The following SGCZ variants were observed in gnomAD, a reference collection of about 807,000 sequenced individuals.
SGCZ encodes sarcoglycan zeta.
Under a neutral mutation model 41.3 loss-of-function variants are expected in SGCZ, and 40 were observed. That is an observed-to-expected ratio of 0.97 (90% CI 0.75 to 1.26). SGCZ has a LOEUF of 1.26. SGCZ is among the 50% of genes most tolerant of loss of function. SGCZ has a pLI of 0.00. For missense variants in SGCZ, 552 were observed against 369.8 expected (o/e 1.49, Z -4.04); for synonymous variants, 206 against 137.5 (o/e 1.50, Z -3.49).
In SGCZ at chr8:14,090,437, G is replaced by T. The variant is rs762132147; in HGVS notation, c.*6C>A. The T allele has an allele frequency of 1.9e-6, 3 of 1,609,152 alleles. No homozygotes were observed. In the Admixed American group the frequency reaches 5.1e-5, roughly 27 times the overall value. On this transcript the variant is annotated 3_prime_UTR_variant, in exon 8 of 8. Transcript: ENST00000382080. ...GCTATTCTGGTGTGAGGAGAAATCA[G>T]TCACTTCAGCTCCACAGGCAGATGT...
At chr8:15,109,749 C>T (rs374969305) in intron 1 of SGCZ, among the ~76,000 whole-genome samples, 1 of 152,118 alleles carries the variant, frequency 6.6e-6, no homozygotes. Context: ...ACTAAGGCTA[C>T]ATAGTTTTGT....
At chr8:14,153,463 A>T (rs1049277087) in intron 5 of SGCZ, among the ~76,000 whole-genome samples, 1 of 152,160 alleles carries the variant, frequency 6.6e-6, no homozygotes, top group Non-Finnish European at 1.5e-5. Flanking sequence ...GTGCGATTCT[A>T]TTGCAGCAAT....
At position 14,557,357 on chromosome 8, in the gene SGCZ, AT is replaced by A. The variant is rs558298634; in HGVS notation, c.40-2432del. 3.7e-3 allele frequency among the ~76,000 whole-genome samples: 562 copies of A among 150,346 alleles called. 1 individual carries two copies. Among genetic ancestry groups the A allele is most frequent in the Non-Finnish European group, 6.0e-3 (405 of 67,550 alleles). ...TTTGTTGAATGTATAGATTGTGAAG[AT>A]TTTCTCCCACCCTGTGGGTTGTCTG... On this transcript the variant is annotated intron_variant, in intron 1 of 7. Transcript: ENST00000382080.
chr8:14,214,530 TA>T (rs1563189938), intron 4 of SGCZ, among the ~76,000 whole-genome samples: 1 of 152,156 alleles, frequency 6.6e-6, no homozygotes, highest in Non-Finnish European at 1.5e-5. Flanking sequence ...AGTTTTACTA[TA>T]AGTCTGCAAA....
At chr8:14,220,600 T>A (rs1229131803) in intron 4 of SGCZ, among the ~76,000 whole-genome samples, 2 of 151,920 alleles carry the variant, frequency 1.3e-5, no homozygotes, top group Non-Finnish European at 2.9e-5. Flanking sequence ...ACCAACATGT[T>A]GAAAGCCCGT....
At chr8:14,770,341 G>A (rs1007351432) in intron 1 of SGCZ, among the ~76,000 whole-genome samples, 1 of 151,116 alleles carries the variant, frequency 6.6e-6, no homozygotes, top group African/African-American at 2.4e-5. Flanking sequence ...TAACATAATA[G>A]TTCGTCAAGC....
chr8:14,794,674 A>G (rs918605203), intron 1 of SGCZ, among the ~76,000 whole-genome samples: 1 of 152,218 alleles, frequency 6.6e-6, no homozygotes, highest in Non-Finnish European at 1.5e-5. Flanking sequence ...TGAAAGGTAT[A>G]GGGTCCAGAC....
chr8:14,497,338 G>T (rs550554179), intron 2 of SGCZ, among the ~76,000 whole-genome samples: 55 of 152,246 alleles, frequency 3.6e-4, no homozygotes, highest in Admixed American at 2.8e-3. Context: ...GCAAGAGAAA[G>T]AAGGGAGAGG....
chr8:14,857,242 T>A (rs1803572609), intron 1 of SGCZ, among the ~76,000 whole-genome samples: 1 of 152,216 alleles, frequency 6.6e-6, no homozygotes, highest in African/African-American at 2.4e-5. Context: ...GAAGCTGGCA[T>A]CATGCTTCCT....
chr8:14,398,699 C>A (rs73664347), intron 2 of SGCZ, among the ~76,000 whole-genome samples: 25,650 of 151,928 alleles, frequency 0.17, 5,151 homozygotes, highest in African/African-American at 0.48. Flanking sequence ...AGAAATTCTT[C>A]CTGATTTACA....
chr8:15,233,344 A>G (rs1460396748), intron 1 of SGCZ, among the ~76,000 whole-genome samples: 2 of 151,238 alleles, frequency 1.3e-5, no homozygotes, highest in Non-Finnish European at 3.0e-5. Flanking sequence ...AAAAAAAAAA[A>G]AGAAAGAAAG....
chr8:15,111,518 C>T (rs956459307), intron 1 of SGCZ, among the ~76,000 whole-genome samples: 1 of 152,178 alleles, frequency 6.6e-6, no homozygotes, highest in Non-Finnish European at 1.5e-5. Context: ...AAAAGGAGTA[C>T]TTACACCTCA....
intron 1 of SGCZ, among the ~76,000 whole-genome samples, chr8:15,046,556 C>T (rs1277138500): frequency 6.6e-6 from 1 of 151,998 alleles, no homozygotes; most frequent in East Asian, 1.9e-4. Context: ...ACACTTTCTT[C>T]CCTTCCAGTG....
At chr8:14,376,819 A>T (rs1473708281) in intron 2 of SGCZ, among the ~76,000 whole-genome samples, 1 of 152,232 alleles carries the variant, frequency 6.6e-6, no homozygotes, top group Admixed American at 6.5e-5. Context: ...ACATGAAAAA[A>T]TGATAATACA....
At chr8:14,963,712 A>C (rs529968647) in intron 1 of SGCZ, among the ~76,000 whole-genome samples, 37 of 152,278 alleles carry the variant, frequency 2.4e-4, no homozygotes, top group Non-Finnish European at 4.3e-4. Context: ...TAGAAAAGTC[A>C]TGGTTGTTAA....
chr8:15,202,335 T>C (rs972095439), intron 1 of SGCZ, among the ~76,000 whole-genome samples: 1 of 152,076 alleles, frequency 6.6e-6, no homozygotes, highest in Admixed American at 6.6e-5. Context: ...AGGAACAAAA[T>C]AATGGCATTT....
intron 2 of SGCZ, among the ~76,000 whole-genome samples, chr8:14,346,826 C>T (rs376714449): frequency 6.6e-6 from 1 of 151,922 alleles, no homozygotes; most frequent in South Asian, 2.1e-4. Flanking sequence ...TGTGTGCGCG[C>T]ATGTTTGTTA....
rs144801729 is a variant in SGCZ at position 15,169,282 on chromosome 8, G to C, written c.39+68303C>G. On this transcript the variant is annotated intron_variant, in intron 1 of 7. Coordinates refer to ENST00000382080, the MANE Select transcript of SGCZ (RefSeq NM_139167.4). ...GGGGAAATGAGACAGCCAGGGAGGA[G>C]GGTGTCCTCAGAGAAACTCCAACAG... Among the ~76,000 whole-genome samples the C allele has an allele frequency of 4.5e-3, 690 of 152,260 alleles. 5 individuals carry two copies. The highest frequency in any genetic ancestry group is 0.013 in the South Asian group (61 of 4,812).
At chr8:14,107,522 C>T (rs571682428) in intron 6 of SGCZ, among the ~76,000 whole-genome samples, 9 of 152,272 alleles carry the variant, frequency 5.9e-5, no homozygotes, top group East Asian at 5.8e-4. Context: ...TATAATACTC[C>T]GTGGTCATTT....
Sources: allele counts gnomAD v4.1 joint callset (sites outside exome capture counted in the v4.1 genomes callset), GRCh38; gene constraint gnomAD v4.1.1; transcripts MANE v1.5; gene names NCBI Gene and HGNC (gene_info 2026-07-23, HGNC 2026-07-21).